The following SPAG4 variants were observed in gnomAD, a reference collection of about 807,000 sequenced individuals.
SPAG4 encodes sperm-associated antigen 4 protein.
Under a neutral mutation model 53.9 loss-of-function variants are expected in SPAG4, and 54 were observed. The observed-to-expected ratio is 1.00, with a 90% confidence interval of 0.80 to 1.26. The LOEUF is 1.26. SPAG4 is among the 50% of genes most tolerant of loss of function. The pLI is 0.00. For synonymous variants in SPAG4, 246 were observed against 237.4 expected, an observed-to-expected ratio of 1.04 and a Z score of -0.33; for missense variants, 548 against 568.6, an observed-to-expected ratio of 0.96 and a Z score of 0.37.
chr20:35,619,647 G>A lies in SPAG4; in HGVS notation c.978G>A (p.Pro326=), dbSNP rs886858405. 3.1e-6 allele frequency: 5 copies of A among 1,613,898 alleles called. No individual in the cohort carries two copies. The African/African-American group carries it at 4.0e-5, about 13-fold the overall frequency. The change falls in exon 10 of 12, where the codon CCG becomes CCA. Residue 326 remains proline (P), a synonymous_variant. Coordinates refer to ENST00000374273, the MANE Select transcript of SPAG4 (RefSeq NM_003116.3). ...AAGGCCAGGTGGTGATCCAACTGCC[G>A]GGCCGAGTGCAGCTGAGCGACATCA... is the stretch of plus-strand genomic sequence containing the variant. The part of the protein sequence containing the change: ...GDQGQVVIQL[P]GRVQLSDITL...
intron 7 of SPAG4, 71 bp from the exon 8 acceptor site, chr20:35,618,852 A>G: frequency 6.7e-7 from 1 of 1,501,090 alleles, no homozygotes; most frequent in Non-Finnish European, 9.3e-7. Flanking sequence ...ACCAGCTCCC[A>G]GAGGTCCCGT....
At position 35,616,313 on chromosome 20, in the gene SPAG4, G is replaced by T; in HGVS notation, c.304+6G>T. ...CGTGAGGGGCGGGGCCTCGGGTGCGGGCGGGGTCGACCCCGGGTGAGCCAG... is the reference window on the plus strand; with the variant it reads ...CGTGAGGGGCGGGGCCTCGGGTGCGTGCGGGGTCGACCCCGGGTGAGCCAG... On this transcript the variant is annotated splice_donor_region_variant and intron_variant, in intron 1 of 11. Coordinates refer to ENST00000374273, the MANE Select transcript of SPAG4 (RefSeq NM_003116.3). 1 of 1,467,320 alleles carries T rather than the reference G, an allele frequency of 6.8e-7. No homozygotes were observed. The allele number at this position is 1,467,320 out of a possible 1,614,324, so 90.9% of individuals were successfully genotyped here.
At position 35,617,695 on chromosome 20, in the gene SPAG4, T is replaced by C. The variant is rs1356881630; in HGVS notation, c.477-84T>C. ...CCGATTCAGATCTGATTGAGTCATG[T>C]TGGCAAGAGCTGGGTCTAGGACCCT... On this transcript the variant is annotated intron_variant, in intron 3 of 11. Transcript: ENST00000374273. 20 of 1,566,110 alleles carry C rather than the reference T, an allele frequency of 1.3e-5. No individual in the cohort carries two copies. In the Middle Eastern group the frequency reaches 6.7e-4, roughly 52 times the overall value.
chr20:35,619,115 C>CCGGGCCCG, intron 8 of SPAG4, 80 bp from the exon 9 acceptor site: 1 of 1,058,616 alleles, frequency 9.4e-7, no homozygotes, highest in Non-Finnish European at 1.4e-6. Context: ...AGCCCCCACC[C>CCGGGCCCG]GCCCCCAGCC....
Position 35,616,011 on chromosome 20 carries a change from G to A in SPAG4, c.8G>A (p.Arg3Gln). 1 of 1,611,386 alleles carries A rather than the reference G, an allele frequency of 6.2e-7. No individual in the cohort carries two copies. Among genetic ancestry groups the A allele is most frequent in the Non-Finnish European group, 8.5e-7 (1 of 1,179,550 alleles). ...AGGCAGCAGGGGGTCAGGATGCGGCGAAGCTCCCGCCCGGGCTCGGCCTCG... is the reference window on the plus strand; with the variant it reads ...AGGCAGCAGGGGGTCAGGATGCGGCAAAGCTCCCGCCCGGGCTCGGCCTCG... MRRSSRPGSASSS... is the reference protein window; with the variant it reads MRQSSRPGSASSS... The change falls in exon 1 of 12, where the codon CGA becomes CAA. Residue 3 changes from arginine to glutamine, a missense_variant. Transcript: ENST00000374273.
chr20:35,616,433 G>C, intron 1 of SPAG4, 126 bp downstream of exon 1: 1 of 1,360,808 alleles, frequency 7.3e-7, no homozygotes, highest in Non-Finnish European at 9.5e-7. Context: ...TAGGGTAAAG[G>C]GATGGTGCTA....
chr20:35,619,132 C>T (rs544057685), intron 8 of SPAG4, 63 bp from the exon 9 acceptor site: 5 of 1,319,080 alleles, frequency 3.8e-6, no homozygotes, highest in East Asian at 4.6e-5. Context: ...AGCCCCCGCG[C>T]CCCCGCGCCC....
rs1601405017 is a variant in SPAG4 at position 35,617,815 on chromosome 20, G to A, written c.513G>A (p.Val171=). The A allele has an allele frequency of 6.2e-7, 1 of 1,614,110 alleles. No individual in the cohort carries two copies. The highest frequency in any genetic ancestry group is 8.5e-7 in the Non-Finnish European group (1 of 1,179,990). Reference sequence around the variant, plus strand: ...CCATCCGCTTCCTGTTCACGGCTGTGTCGCTGCTGAGCCTCTTTCTGTCAG... The same window carrying A: ...CCATCCGCTTCCTGTTCACGGCTGTATCGCTGCTGAGCCTCTTTCTGTCAG... ...VCSIRFLFTA[V]SLLSLFLSAF... Residue 171 remains valine, a synonymous_variant, in exon 4 of 12, where the codon GTG becomes GTA. Coordinates refer to ENST00000374273, the MANE Select transcript of SPAG4 (RefSeq NM_003116.3).
At position 35,617,507 on chromosome 20, in the gene SPAG4, G is replaced by T; in HGVS notation, c.410-13G>T. 1 of 1,582,324 alleles carries T rather than the reference G, an allele frequency of 6.3e-7. No homozygotes were observed. Among genetic ancestry groups the T allele is most frequent in the Non-Finnish European group, 8.6e-7 (1 of 1,162,970 alleles). On this transcript the variant is annotated splice_polypyrimidine_tract_variant and intron_variant, in intron 2 of 11. Coordinates refer to ENST00000374273, the MANE Select transcript of SPAG4 (RefSeq NM_003116.3). Reference sequence around the variant, plus strand: ...GCCGTGGGCCCCTCTCTGACCCTCTGTCCTGGCCTCAGGCCTGCTCTTCCA... The same window carrying T: ...GCCGTGGGCCCCTCTCTGACCCTCTTTCCTGGCCTCAGGCCTGCTCTTCCA...
intron 5 of SPAG4, 78 bp from the exon 6 acceptor site, chr20:35,618,372 C>G: frequency 6.3e-7 from 1 of 1,581,410 alleles, no homozygotes; most frequent in Non-Finnish European, 8.7e-7. Context: ...AAAGGAAGCC[C>G]TGGCCGTTTC....
At chr20:35,617,394 T>C in intron 2 of SPAG4, 126 bp from the exon 3 acceptor site, 1 of 1,016,608 alleles carries the variant, frequency 9.8e-7, no homozygotes, top group Non-Finnish European at 1.5e-6. Flanking sequence ...TAGCCGACCC[T>C]CTCTTCCTGA....
Position 35,619,273 on chromosome 20 carries a change from T to G in SPAG4, c.872T>G (p.Phe291Cys), listed in dbSNP as rs750195777. 4 of 1,613,918 alleles carry G rather than the reference T, an allele frequency of 2.5e-6. No homozygotes were observed. The African/African-American group carries it at 5.3e-5, about 22-fold the overall frequency. Reference protein sequence around the residue: ...NTAYFWNRFSFWNYARPPTVI... With the variant: ...NTAYFWNRFSCWNYARPPTVI... ...GCCTACTTCTGGAATCGCTTCAGCT[T>G]CTGGAACTACGCACGGCCGCCCACG... The change falls in exon 9 of 12, where the codon TTC (phenylalanine) becomes TGC (cysteine). Residue 291 changes from phenylalanine to cysteine, a missense_variant. By Grantham distance (205) the Phe-to-Cys change is radical (BLOSUM62 -2). Transcript: ENST00000374273.
chr20:35,620,990 G>T lies in SPAG4; in HGVS notation c.1282G>T (p.Gly428Trp), dbSNP rs977982540. Reference protein sequence around the residue: ...VRAHGVRTSEGAEGSAQGPH With the variant: ...VRAHGVRTSEWAEGSAQGPH Reference sequence around the variant, plus strand: ...TGCCCACGGTGTGCGAACCTCAGAGGGGGCAGAGGGCAGTGCACAGGGGCC... The same window carrying T: ...TGCCCACGGTGTGCGAACCTCAGAGTGGGCAGAGGGCAGTGCACAGGGGCC... Residue 428 changes from glycine (G) to tryptophan (W), a missense_variant, in exon 12 of 12, where the codon GGG becomes TGG. Physicochemically the swap from Gly to Trp is radical, Grantham distance 184. Coordinates refer to ENST00000374273, the MANE Select transcript of SPAG4 (RefSeq NM_003116.3). 1.2e-6 allele frequency: 2 copies of T among 1,614,202 alleles called. No individual in the cohort carries two copies. Among genetic ancestry groups the T allele is most frequent in the East Asian group, 4.5e-5 (2 of 44,884 alleles).
At chr20:35,617,083 GA>G (rs767393147) in intron 1 of SPAG4, 52 bp from the exon 2 acceptor site, 14 of 1,234,098 alleles carry the variant, frequency 1.1e-5, no homozygotes, top group Non-Finnish European at 1.5e-5. Context: ...GTCTCGAGGG[GA>G]AAATAGGTCT....
chr20:35,617,277 C>G (rs776145802), intron 2 of SPAG4, 37 bp downstream of exon 2: 4 of 1,432,246 alleles, frequency 2.8e-6, no homozygotes, highest in Middle Eastern at 2.4e-4. Context: ...CTCTGACCCT[C>G]GGGTTCCCCT....
In SPAG4 at chr20:35,620,775, T is replaced by C. The variant is rs947509970; in HGVS notation, c.1167+2T>C. Reference sequence around the variant, plus strand: ...GAGATTCAGACTTTCCACCTGCAGGTGTGTTTGTCTCTAGGGTGAAGGTGC... The same window carrying C: ...GAGATTCAGACTTTCCACCTGCAGGCGTGTTTGTCTCTAGGGTGAAGGTGC... On this transcript the variant is annotated splice_donor_variant, in intron 11 of 11. Transcript: ENST00000374273. LOFTEE classifies it high-confidence loss of function. 1.9e-5 allele frequency: 31 copies of C among 1,613,594 alleles called. No homozygotes were observed. The highest frequency in any genetic ancestry group is 2.6e-5 in the Non-Finnish European group (31 of 1,179,738).
Position 35,621,031 on chromosome 20 carries a change from AT to A in SPAG4, c.*14del. ...CACAGGGGCCCCATTAAACATGCTG[AT>A]TTTTGGAGTAGAATTGAGTTCTGCT... On this transcript the variant is annotated 3_prime_UTR_variant, in exon 12 of 12. Coordinates refer to ENST00000374273, the MANE Select transcript of SPAG4 (RefSeq NM_003116.3). 1 of 1,612,462 alleles carries A rather than the reference AT, an allele frequency of 6.2e-7. No homozygotes were observed. Among genetic ancestry groups the A allele is most frequent in the Non-Finnish European group, 8.5e-7 (1 of 1,178,608 alleles).
chr20:35,615,885 G>A lies in SPAG4; in HGVS notation c.-119G>A. The A allele has an allele frequency of 5.2e-6, 5 of 966,862 alleles. No individual in the cohort carries two copies. The highest frequency in any genetic ancestry group is 2.9e-5 in the East Asian group (1 of 34,444). The allele number at this position is 966,862 out of a possible 1,614,324, so 59.9% of individuals were successfully genotyped here. On this transcript the variant is annotated 5_prime_UTR_variant, in exon 1 of 12. Coordinates refer to ENST00000374273, the MANE Select transcript of SPAG4 (RefSeq NM_003116.3). The stretch of plus-strand genomic sequence containing the variant: ...GAGGGCAGGTGCGGCCGCGGGGCCT[G>A]CCGACTTCACGCAGGGTCCGTGGGG...
At position 35,621,026 on chromosome 20, in the gene SPAG4, T is replaced by C; in HGVS notation, c.*4T>C. ...CAGTGCACAGGGGCCCCATTAAACA[T>C]GCTGATTTTTGGAGTAGAATTGAGT... On this transcript the variant is annotated 3_prime_UTR_variant, in exon 12 of 12. Transcript: ENST00000374273. 6.2e-7 allele frequency: 1 copy of C among 1,612,812 alleles called. No homozygotes were observed. The highest frequency in any genetic ancestry group is 8.5e-7 in the Non-Finnish European group (1 of 1,178,880).
Sources: gnomAD v4.1 joint callset for allele counts on GRCh38, gnomAD v4.1.1 for gene constraint, MANE v1.5 for transcripts, NCBI Gene and HGNC (gene_info 2026-07-23, HGNC 2026-07-21) for gene names.